AFG1L: variants seen among roughly 807,000 people sequenced by gnomAD.
The protein encoded by AFG1L is AFG1-like ATPase.
AFG1L carries 53 observed loss-of-function variants against 62.2 expected under a neutral mutation model. The observed-to-expected ratio is 0.85, with a 90% confidence interval of 0.68 to 1.07. The LOEUF is 1.07. Ranked by LOEUF, AFG1L falls within the 50% of genes least tolerant of loss-of-function variation. The pLI is 0.00. For missense variants in AFG1L, 555 were observed against 590.5 expected, an observed-to-expected ratio of 0.94 and a Z score of 0.62; for synonymous variants, 228 against 210.3, an observed-to-expected ratio of 1.08 and a Z score of -0.73.
At chr6:108,435,575 A>G (rs1325739635) in intron 7 of AFG1L, among the ~76,000 whole-genome samples, 1 of 151,948 alleles carries the variant, frequency 6.6e-6, no homozygotes, top group Admixed American at 6.6e-5. Context: ...AGTCCCAGCT[A>G]CTCAGGAGGC....
intron 6 of AFG1L, among the ~76,000 whole-genome samples, chr6:108,381,403 A>G (rs1780512143): frequency 6.6e-6 from 1 of 151,942 alleles, no homozygotes; most frequent in South Asian, 2.1e-4. Flanking sequence ...TTACTTTTCA[A>G]AGATTCTAGT....
intron 7 of AFG1L, among the ~76,000 whole-genome samples, chr6:108,440,010 TATG>T (rs1220388517): frequency 6.6e-6 from 1 of 152,140 alleles, no homozygotes; most frequent in African/African-American, 2.4e-5. Flanking sequence ...CTATATATAA[TATG>T]ATAGATGTCT....
intron 6 of AFG1L, among the ~76,000 whole-genome samples, chr6:108,398,527 G>A (rs1781414067): frequency 6.6e-6 from 1 of 152,098 alleles, no homozygotes; most frequent in Admixed American, 6.6e-5. Flanking sequence ...AGAAATTTTT[G>A]CTCAGACCAA....
intron 2 of AFG1L, among the ~76,000 whole-genome samples, chr6:108,327,535 T>C (rs927600370): frequency 6.6e-6 from 1 of 152,240 alleles, no homozygotes; most frequent in Non-Finnish European, 1.5e-5. Context: ...TGTCCTCACA[T>C]GGCTGAAGGG....
At chr6:108,404,684 G>C (rs1180056948) in intron 7 of AFG1L, among the ~76,000 whole-genome samples, 1 of 151,586 alleles carries the variant, frequency 6.6e-6, no homozygotes. Flanking sequence ...ATATTTGGAG[G>C]CTATGTTATA....
chr6:108,483,237 A>G (rs1773397775), intron 10 of AFG1L, among the ~76,000 whole-genome samples: 1 of 152,166 alleles, frequency 6.6e-6, no homozygotes. Flanking sequence ...TTTTTTCATA[A>G]AAATGTGATT....
chr6:108,351,905 G>A (rs1779096909), intron 3 of AFG1L, among the ~76,000 whole-genome samples: 1 of 151,972 alleles, frequency 6.6e-6, no homozygotes. Flanking sequence ...TTACCAATAA[G>A]CATATTAACT....
intron 7 of AFG1L, among the ~76,000 whole-genome samples, chr6:108,438,249 A>G (rs532522850): frequency 1.3e-5 from 2 of 152,242 alleles, no homozygotes; most frequent in Admixed American, 6.5e-5. Flanking sequence ...ATGGAAATTC[A>G]TTTTCTCACG....
intron 10 of AFG1L, among the ~76,000 whole-genome samples, chr6:108,500,660 G>A (rs1223070385): frequency 1.3e-5 from 2 of 152,086 alleles, no homozygotes; most frequent in African/African-American, 2.4e-5. Flanking sequence ...CTACCCTTTG[G>A]GTAGATACCC....
chr6:108,428,564 C>T (rs747195798), intron 7 of AFG1L, among the ~76,000 whole-genome samples: 6 of 152,210 alleles, frequency 3.9e-5, no homozygotes, highest in African/African-American at 9.7e-5. Flanking sequence ...TACATTCCCA[C>T]GAGCAGTGTA....
At chr6:108,410,502 C>A (rs923448891) in intron 7 of AFG1L, among the ~76,000 whole-genome samples, 3 of 152,118 alleles carry the variant, frequency 2.0e-5, no homozygotes, top group African/African-American at 7.2e-5. Flanking sequence ...AAAAATGTGA[C>A]ATCTGGTCAG....
chr6:108,374,076 C>T (rs1780136952), intron 6 of AFG1L, among the ~76,000 whole-genome samples: 1 of 152,050 alleles, frequency 6.6e-6, no homozygotes, highest in Admixed American at 6.6e-5. Flanking sequence ...ATTTGTGTTT[C>T]TCTCGTGATT....
intron 7 of AFG1L, among the ~76,000 whole-genome samples, chr6:108,415,802 TA>T (rs1215863434): frequency 1.3e-5 from 2 of 152,200 alleles, no homozygotes; most frequent in East Asian, 1.9e-4. Context: ...ATGTTAGACC[TA>T]AAACCATAAA....
chr6:108,392,287 C>T (rs1425047279), intron 6 of AFG1L: 1 of 152,182 alleles, frequency 6.6e-6, no homozygotes, highest in Non-Finnish European at 1.5e-5. Context: ...CCTTCGCTTT[C>T]TGATCATTAA....
chr6:108,425,728 A>C (rs1465199399), intron 7 of AFG1L, among the ~76,000 whole-genome samples: 1 of 152,186 alleles, frequency 6.6e-6, no homozygotes, highest in Non-Finnish European at 1.5e-5. Context: ...CTTTAGGTGG[A>C]ATTAATTATA....
intron 1 of AFG1L, among the ~76,000 whole-genome samples, chr6:108,306,784 G>A (rs1054518504): frequency 2.0e-5 from 3 of 152,088 alleles, no homozygotes; most frequent in Non-Finnish European, 4.4e-5. Context: ...TCTACTTTCT[G>A]AATGACACTC....
chr6:108,330,183 T>TTTA (rs1491388442), intron 2 of AFG1L, among the ~76,000 whole-genome samples: 31 of 21,226 alleles, frequency 1.5e-3, no homozygotes, highest in Non-Finnish European at 9.3e-3. Flanking sequence ...TCCTTTTTTA[T>TTTA]TTTTTTTTTT....
At chr6:108,450,827 G>A (rs1255747046) in intron 8 of AFG1L, among the ~76,000 whole-genome samples, 1 of 151,592 alleles carries the variant, frequency 6.6e-6, no homozygotes, top group African/African-American at 2.4e-5. Flanking sequence ...TGGCTAGCCA[G>A]TTTTCCCAGA....
At chr6:108,347,166 T>G (rs1778895061) in intron 3 of AFG1L, 127 bp downstream of exon 3, 1 of 784,112 alleles carries the variant, frequency 1.3e-6, no homozygotes, top group African/African-American at 1.8e-5. Context: ...CAGGGTAAGG[T>G]AGGGAGAGAA....
Sources: gnomAD v4.1 joint callset for allele counts (sites outside exome capture counted in the v4.1 genomes callset) on GRCh38, gnomAD v4.1.1 for gene constraint, MANE v1.5 for transcripts, NCBI Gene and HGNC (gene_info 2026-07-23, HGNC 2026-07-21) for gene names.